POU6F2: variants seen among roughly 807,000 people sequenced by gnomAD.
POU6F2 encodes the protein POU class 6 homeobox 2, also known as POU domain, class 6, transcription factor 2.
Under a neutral mutation model 71.3 loss-of-function variants are expected in POU6F2, and 31 were observed. The ratio of observed to expected loss-of-function variants is 0.43; its 90% confidence interval spans 0.33 to 0.59. POU6F2 has a LOEUF of 0.59. Ranked by LOEUF, POU6F2 falls within the 20% of genes least tolerant of loss-of-function variation. The pLI is 0.04. For missense variants in POU6F2, 783 were observed against 856.8 expected (o/e 0.91, Z 1.07); for synonymous variants, 347 against 355.7 (o/e 0.98, Z 0.27).
intron 2 of POU6F2, among the ~76,000 whole-genome samples, chr7:39,187,480 AG>A (rs1049973371): frequency 2.0e-5 from 3 of 152,224 alleles, no homozygotes; most frequent in African/African-American, 7.2e-5. Context: ...ATCAGAGGGT[AG>A]GGTGGACAAG....
intron 4 of POU6F2, among the ~76,000 whole-genome samples, chr7:39,269,220 C>T (rs1187331606): frequency 6.6e-6 from 1 of 152,036 alleles, no homozygotes; most frequent in African/African-American, 2.4e-5. Flanking sequence ...GGGTGAGAAC[C>T]ACTGACCCCA....
At chr7:39,227,655 C>T (rs1307760895) in intron 4 of POU6F2, among the ~76,000 whole-genome samples, 2 of 150,260 alleles carry the variant, frequency 1.3e-5, no homozygotes, top group Non-Finnish European at 1.5e-5. Context: ...CCCGGGTTCA[C>T]GCCATTCTCC....
At chr7:39,035,100 T>A (rs1291832666) in intron 1 of POU6F2, among the ~76,000 whole-genome samples, 2 of 151,444 alleles carry the variant, frequency 1.3e-5, no homozygotes, top group African/African-American at 2.4e-5. Flanking sequence ...ATTTTTAATA[T>A]TTTTAAATAA....
chr7:39,082,811 C>T (rs1170227737), intron 1 of POU6F2, among the ~76,000 whole-genome samples: 1 of 149,898 alleles, frequency 6.7e-6, no homozygotes, highest in Non-Finnish European at 1.5e-5. Context: ...CACACACACA[C>T]ACACACACAC....
chr7:39,435,182 G>A (rs936508069), intron 7 of POU6F2, among the ~76,000 whole-genome samples: 24 of 152,114 alleles, frequency 1.6e-4, no homozygotes, highest in African/African-American at 5.8e-4. Flanking sequence ...TGATGTTCCA[G>A]GTTCTAGATC....
chr7:39,165,504 A>T (rs1450970487), intron 2 of POU6F2, among the ~76,000 whole-genome samples: 1 of 152,192 alleles, frequency 6.6e-6, no homozygotes, highest in Non-Finnish European at 1.5e-5. Flanking sequence ...CATGATAAAC[A>T]ATTAACAGAT....
At chr7:39,281,695 T>G (rs1374359528) in intron 4 of POU6F2, among the ~76,000 whole-genome samples, 1 of 152,156 alleles carries the variant, frequency 6.6e-6, no homozygotes, top group Non-Finnish European at 1.5e-5. Context: ...TCTTTATCCA[T>G]TCATCAGTTG....
intron 2 of POU6F2, among the ~76,000 whole-genome samples, chr7:39,158,379 C>T (rs1157042181): frequency 6.6e-6 from 1 of 152,046 alleles, no homozygotes; most frequent in Non-Finnish European, 1.5e-5. Context: ...AATTTAGATA[C>T]AGTATTAGGT....
At chr7:39,373,417 G>A (rs143373020) in intron 5 of POU6F2, 264 of 456,636 alleles carry the variant, frequency 5.8e-4, no homozygotes, top group African/African-American at 5.1e-3. Flanking sequence ...AGAGCCAACA[G>A]TCATGTTCCT....
At chr7:39,420,293 GA>G in intron 6 of POU6F2, among the ~76,000 whole-genome samples, 1 of 152,318 alleles carries the variant, frequency 6.6e-6, no homozygotes, top group East Asian at 1.9e-4. Flanking sequence ...CTGAAAGAAA[GA>G]ATGTTTATGT....
chr7:39,134,091 GT>G (rs1398581575), intron 2 of POU6F2, among the ~76,000 whole-genome samples: 3 of 151,960 alleles, frequency 2.0e-5, no homozygotes, highest in East Asian at 1.9e-4. Context: ...TCTCAGGCTG[GT>G]TTCAAACTCC....
chr7:39,397,825 T>A (rs975723239), intron 5 of POU6F2, among the ~76,000 whole-genome samples: 2 of 145,524 alleles, frequency 1.4e-5, no homozygotes, highest in Non-Finnish European at 3.0e-5. Flanking sequence ...TATATATATA[T>A]ATATATATAG....
intron 6 of POU6F2, among the ~76,000 whole-genome samples, chr7:39,424,923 C>T (rs993930615): frequency 2.6e-5 from 4 of 151,858 alleles, no homozygotes; most frequent in Non-Finnish European, 4.4e-5. Context: ...AGAATGGGGC[C>T]GAGGCTGCTA....
rs116582914 is a variant in POU6F2, at chr7:39,146,493, T to C, written c.278-57742T>C. Among the ~76,000 whole-genome samples the C allele has an allele frequency of 2.5e-3, 388 of 152,250 alleles. 2 individuals carry two copies. Among genetic ancestry groups the C allele is most frequent in the African/African-American group, 8.9e-3 (368 of 41,536 alleles). ...GGTTTTACAATGAAAACAGGAAAGA[T>C]AAAATGAAGTTCTGGGTAAGGTGAG... On this transcript the variant is annotated intron_variant, in intron 2 of 9. Coordinates refer to ENST00000518318, the MANE Select transcript of POU6F2 (RefSeq NM_001370959.1).
intron 4 of POU6F2, among the ~76,000 whole-genome samples, chr7:39,276,606 T>C (rs1784444435): frequency 6.6e-6 from 1 of 151,596 alleles, no homozygotes; most frequent in Admixed American, 6.6e-5. Context: ...TGCACACGTA[T>C]GTTTATTGCG....
At chr7:39,124,589 C>T (rs1341474190) in intron 2 of POU6F2, among the ~76,000 whole-genome samples, 3 of 152,086 alleles carry the variant, frequency 2.0e-5, no homozygotes, top group Admixed American at 6.6e-5. Flanking sequence ...CTCCTCCTAC[C>T]GGGGGCTTAA....
chr7:39,393,983 A>C (rs957985576), intron 5 of POU6F2, among the ~76,000 whole-genome samples: 2 of 152,240 alleles, frequency 1.3e-5, no homozygotes, highest in African/African-American at 2.4e-5. Context: ...TGGTACAAAT[A>C]GAATCTGTAG....
chr7:39,101,729 TGC>T (rs1178299935), intron 2 of POU6F2, among the ~76,000 whole-genome samples: 3 of 152,212 alleles, frequency 2.0e-5, no homozygotes, highest in African/African-American at 7.2e-5. Flanking sequence ...TTTAAATGTT[TGC>T]ACCACAAAGA....
At position 39,159,984 on chromosome 7, in the gene POU6F2, C is replaced by A. The variant is rs148562576; in HGVS notation, c.278-44251C>A. ...ATTTAAATAAGCCAATCCTGAGATTCTGACATAACATGAGAGGGCCGCTAT... is the reference window on the plus strand; with the variant it reads ...ATTTAAATAAGCCAATCCTGAGATTATGACATAACATGAGAGGGCCGCTAT... On this transcript the variant is annotated intron_variant, in intron 2 of 9. Coordinates refer to ENST00000518318, the MANE Select transcript of POU6F2 (RefSeq NM_001370959.1). Among the ~76,000 whole-genome samples the A allele has an allele frequency of 1.4e-3, 208 of 152,258 alleles. 3 individuals carry two copies. Among genetic ancestry groups the A allele is most frequent in the Non-Finnish European group, 2.0e-3 (135 of 68,030 alleles).
Sources: allele counts gnomAD v4.1 joint callset (sites outside exome capture counted in the v4.1 genomes callset), GRCh38; gene constraint gnomAD v4.1.1; transcripts MANE v1.5; gene names NCBI Gene and HGNC (gene_info 2026-07-23, HGNC 2026-07-21).